OVOL2: variants seen among roughly 807,000 people sequenced by gnomAD.
The protein encoded by OVOL2 is ovo like zinc finger 2, also known as transcription factor Ovo-like 2.
A neutral mutation model predicts 18.1 loss-of-function variants in OVOL2; 13 were observed. That is an observed-to-expected ratio of 0.72 (90% CI 0.47 to 1.14). OVOL2 has a LOEUF of 1.14. OVOL2 is among the 50% of genes most tolerant of loss of function. The pLI is 0.00. For synonymous variants in OVOL2, 166 were observed against 162.7 expected, an observed-to-expected ratio of 1.02 and a Z score of -0.16; for missense variants, 335 against 383.0, an observed-to-expected ratio of 0.87 and a Z score of 1.05.
chr20:18,050,811 T>A (rs6045164), intron 2 of OVOL2: 8,626 of 152,270 alleles, frequency 0.057, 281 homozygotes, highest in African/African-American at 0.073. Flanking sequence ...ACTACTGCAC[T>A]GGTTGCTGGG....
At position 18,056,763 on chromosome 20, in the gene OVOL2, G is replaced by C; in HGVS notation, c.215C>G (p.Ser72Trp). 2 of 1,504,004 alleles carry C rather than the reference G, an allele frequency of 1.3e-6. No individual in the cohort carries two copies. The highest frequency in any genetic ancestry group is 2.5e-5 in the South Asian group (2 of 80,274). 93.2% of individuals were successfully genotyped at this position (1,504,004 alleles called of 1,614,324 possible). ...AGEPGGAESS[S>W]SPHAPESETP... ...TTCGCTCTCGGGGGCGTGCGGGGAC[G>C]AGCTGCTCTCTGCTCCTCCAGGCTC... The change falls in exon 2 of 4, where the codon TCG becomes TGG. Residue 72 changes from serine to tryptophan, a missense_variant. Coordinates refer to ENST00000278780, the MANE Select transcript of OVOL2 (RefSeq NM_021220.4). The surrounding 1 kb of genome is among the most constrained non-coding windows in gnomAD (Gnocchi z 4.2).
chr20:18,045,486 G>A (rs2036717056), intron 2 of OVOL2, among the ~76,000 whole-genome samples: 1 of 152,088 alleles, frequency 6.6e-6, no homozygotes, highest in African/African-American at 2.4e-5. Flanking sequence ...GCCTTCTATT[G>A]CAGTCTAGAA....
chr20:18,057,612 T>C lies in OVOL2; in HGVS notation c.23A>G (p.Lys8Arg), dbSNP rs750280184. The change falls in exon 1 of 4, where the codon AAG becomes AGG. Residue 8 changes from lysine (K) to arginine (R), a missense_variant. Coordinates refer to ENST00000278780, the MANE Select transcript of OVOL2 (RefSeq NM_021220.4). This position sits in a 1 kb window ranked among gnomAD's most constrained non-coding sequence, Gnocchi z 6.3. ...GACCGAGACCCCCAGGCTCCTCCTC[T>C]TCACCAGGAAGACTTTGGGCATGGT... MPKVFLV[K>R]RRSLGVSVRS... 6.3e-7 allele frequency: 1 copy of C among 1,591,330 alleles called. No individual in the cohort carries two copies. The highest frequency in any genetic ancestry group is 1.1e-5 in the South Asian group (1 of 87,824).
rs537467536 is a variant in OVOL2 at position 18,045,477 on chromosome 20, C to G, written c.322-3754G>C. ...AAATGCTCTGAATGCAATACAGATGCCTTCTATTGCAGTCTAGAATGAAAA... is the reference window on the plus strand; with the variant it reads ...AAATGCTCTGAATGCAATACAGATGGCTTCTATTGCAGTCTAGAATGAAAA... On this transcript the variant is annotated intron_variant, in intron 2 of 3. Coordinates refer to ENST00000278780, the MANE Select transcript of OVOL2 (RefSeq NM_021220.4). Among the ~76,000 whole-genome samples the G allele has an allele frequency of 1.4e-4, 22 of 152,284 alleles. No homozygotes were observed. The South Asian group carries it at 3.7e-3, about 26-fold the overall frequency.
At chr20:18,046,160 C>T (rs1421368584) in intron 2 of OVOL2, among the ~76,000 whole-genome samples, 1 of 152,160 alleles carries the variant, frequency 6.6e-6, no homozygotes, top group Non-Finnish European at 1.5e-5. Flanking sequence ...CTAGCTTCTG[C>T]CAGACTATTT....
intron 3 of OVOL2, among the ~76,000 whole-genome samples, chr20:18,040,035 C>T (rs1466137094): frequency 6.6e-6 from 1 of 152,162 alleles, no homozygotes; most frequent in Non-Finnish European, 1.5e-5. Flanking sequence ...AGCGATCCTC[C>T]AGCCTCAGTC....
At position 18,056,803 on chromosome 20, in the gene OVOL2, T is replaced by C; in HGVS notation, c.175A>G (p.Ser59Gly). 6.7e-7 allele frequency: 1 copy of C among 1,490,954 alleles called. No homozygotes were observed. Among genetic ancestry groups the C allele is most frequent in the Non-Finnish European group, 8.9e-7 (1 of 1,127,730 alleles). The allele number at this position is 1,490,954 out of a possible 1,614,324, so 92.4% of individuals were successfully genotyped here. Reference sequence around the variant, plus strand: ...CCTCCAGGCTCCCCCGCGCTGCTGCTGCCGCTGCCGCTGCTGCTGCCGCCG... The same window carrying C: ...CCTCCAGGCTCCCCCGCGCTGCTGCCGCCGCTGCCGCTGCTGCTGCCGCCG... ...SDGGSSSGSG[S>G]SSAGEPGGAE... Residue 59 changes from serine to glycine, a missense_variant, in exon 2 of 4, where the codon AGC (serine) becomes GGC (glycine). By Grantham distance (56) the Ser-to-Gly change is moderately conservative (BLOSUM62 0). Coordinates refer to ENST00000278780, the MANE Select transcript of OVOL2 (RefSeq NM_021220.4). The surrounding 1 kb of genome is among the most constrained non-coding windows in gnomAD (Gnocchi z 4.2).
At chr20:18,027,893 C>A (rs1005519565) in intron 3 of OVOL2, among the ~76,000 whole-genome samples, 1 of 152,152 alleles carries the variant, frequency 6.6e-6, no homozygotes, top group African/African-American at 2.4e-5. Flanking sequence ...CTGCGCCCGG[C>A]TGTAAGGTCT....
intron 3 of OVOL2, among the ~76,000 whole-genome samples, chr20:18,036,056 G>C (rs2036612246): frequency 6.6e-6 from 1 of 152,106 alleles, no homozygotes; most frequent in Non-Finnish European, 1.5e-5. Flanking sequence ...CACTTTGGGA[G>C]GCTGAGGCGG....
At chr20:18,034,333 C>T (rs35464874) in intron 3 of OVOL2, among the ~76,000 whole-genome samples, 47,554 of 151,900 alleles carry the variant, frequency 0.31, 8,052 homozygotes, top group Non-Finnish European at 0.39. Flanking sequence ...TTGCCTGTAG[C>T]AGATCCATCC....
In OVOL2 at chr20:18,044,179, T is replaced by A. The variant is rs114186950; in HGVS notation, c.322-2456A>T. On this transcript the variant is annotated intron_variant, in intron 2 of 3. Transcript: ENST00000278780. ...AAAATGCAGGTTCTGATTCAGGAGG[T>A]CTGGTAGGGTCTGATGTGCTGCATT... Among the ~76,000 whole-genome samples, 991 of 152,142 alleles carry A rather than the reference T, an allele frequency of 6.5e-3. 15 individuals carry two copies. The highest frequency in any genetic ancestry group is 0.023 in the African/African-American group (934 of 41,492).
At position 18,057,473 on chromosome 20, in the gene OVOL2, C is replaced by T. The variant is rs2036840556; in HGVS notation, c.100+62G>A. On this transcript the variant is annotated intron_variant, in intron 1 of 3. Transcript: ENST00000278780. The surrounding 1 kb of genome is among the most constrained non-coding windows in gnomAD (Gnocchi z 6.3). ...GCCCCTGCCGATGAGCAGAGAAGAC[C>T]CGCCACCCCTTCCCCCACCCCGGGA... 6 of 1,521,938 alleles carry T rather than the reference C, an allele frequency of 3.9e-6. No homozygotes were observed. The East Asian group carries it at 1.5e-4, about 38-fold the overall frequency. 94.3% of individuals were successfully genotyped at this position (1,521,938 alleles called of 1,614,324 possible).
chr20:18,041,511 C>G, intron 3 of OVOL2, 23 bp downstream of exon 3: 1 of 1,594,402 alleles, frequency 6.3e-7, no homozygotes, highest in Middle Eastern at 1.7e-4. Flanking sequence ...AAACAGAGAA[C>G]AAAGCACGCA....
Position 18,056,759 on chromosome 20 carries a change from G to A in OVOL2, c.219C>T (p.Ser73=), listed in dbSNP as rs1365157750. The change falls in exon 2 of 4, where the codon TCC becomes TCT. Residue 73 remains serine, a synonymous_variant. Coordinates refer to ENST00000278780, the MANE Select transcript of OVOL2 (RefSeq NM_021220.4). This position sits in a 1 kb window ranked among gnomAD's most constrained non-coding sequence, Gnocchi z 4.2. ...GEPGGAESSS[S]PHAPESETPE... ...GGGTTTCGCTCTCGGGGGCGTGCGG[G>A]GACGAGCTGCTCTCTGCTCCTCCAG... is the stretch of plus-strand genomic sequence containing the variant. The A allele has an allele frequency of 6.7e-7, 1 of 1,498,866 alleles. No individual in the cohort carries two copies. The highest frequency in any genetic ancestry group is 1.3e-5 in the South Asian group (1 of 79,672). The allele number at this position is 1,498,866 out of a possible 1,614,324, so 92.8% of individuals were successfully genotyped here. A position where few individuals can be genotyped will look rare whatever the true frequency, so the allele number is the denominator to read the frequency against.
intron 2 of OVOL2, chr20:18,050,496 A>G (rs906419934): frequency 1.6e-4 from 25 of 152,202 alleles, no homozygotes; most frequent in African/African-American, 6.0e-4. Context: ...TAAACTAGCT[A>G]TAGTGGATTC....
upstream of OVOL2, among the ~76,000 whole-genome samples, chr20:18,058,180 G>A (rs2036848431): frequency 6.6e-6 from 1 of 151,972 alleles, no homozygotes; most frequent in Non-Finnish European, 1.5e-5. Flanking sequence ...GCACCCCTCC[G>A]GTGAGTTGGG....
At chr20:18,042,305 T>C (rs1407720956) in intron 2 of OVOL2, among the ~76,000 whole-genome samples, 2 of 152,134 alleles carry the variant, frequency 1.3e-5, no homozygotes, top group Non-Finnish European at 2.9e-5. Flanking sequence ...TACAGGCATG[T>C]GATGGGGTAT....
In OVOL2 at chr20:18,056,851, G is replaced by A. The variant is rs776445738; in HGVS notation, c.127C>T (p.Pro43Ser). The change falls in exon 2 of 4, where the codon CCC (proline) becomes TCC (serine). Residue 43 changes from proline to serine, a missense_variant. Pro to Ser is a moderately conservative substitution (Grantham distance 74, BLOSUM62 -1). Transcript: ENST00000278780. This position sits in a 1 kb window ranked among gnomAD's most constrained non-coding sequence, Gnocchi z 4.2. ...CCGTCGCTGCGGCAGTCCTCGGGGG[G>A]GTCGTGGAGCAGGCGGCCTAGGCCC... ...PVGLGRLLHDPPEDCRSDGGS... is the reference protein window; with the variant it reads ...PVGLGRLLHDSPEDCRSDGGS... The A allele has an allele frequency of 2.0e-6, 3 of 1,487,878 alleles. No individual in the cohort carries two copies. The highest frequency in any genetic ancestry group is 1.8e-6 in the Non-Finnish European group (2 of 1,127,232). 92.2% of individuals were successfully genotyped at this position (1,487,878 alleles called of 1,614,324 possible).
At chr20:18,033,674 A>G (rs1483476171) in intron 3 of OVOL2, among the ~76,000 whole-genome samples, 1 of 152,216 alleles carries the variant, frequency 6.6e-6, no homozygotes, top group Non-Finnish European at 1.5e-5. Flanking sequence ...CATTTCCTGC[A>G]TGCTCGCTCC....
Sources: allele counts gnomAD v4.1 joint callset (sites outside exome capture counted in the v4.1 genomes callset), GRCh38; gene constraint gnomAD v4.1.1; non-coding constraint Gnocchi (gnomAD v3.1); transcripts MANE v1.5; gene names NCBI Gene and HGNC (gene_info 2026-07-23, HGNC 2026-07-21).